THSD4: variants seen among roughly 807,000 people sequenced by gnomAD.
The protein encoded by THSD4 is thrombospondin type 1 domain containing 4, also known as thrombospondin type-1 domain-containing protein 4.
Under a neutral mutation model 119.0 loss-of-function variants are expected in THSD4, and 69 were observed. The ratio of observed to expected loss-of-function variants is 0.58; its 90% CI spans 0.48 to 0.71. The LOEUF is 0.71. Ranked by LOEUF, THSD4 falls within the 30% of genes least tolerant of loss-of-function variation. The pLI is 0.00. For synonymous variants in THSD4, 524 were observed against 540.4 expected (o/e 0.97, Z 0.42); for missense variants, 1,393 against 1,391.1 (o/e 1.00, Z -0.02).
intron 7 of THSD4, among the ~76,000 whole-genome samples, chr15:71,616,449 G>A (rs2050320061): frequency 6.6e-6 from 1 of 152,186 alleles, no homozygotes; most frequent in African/African-American, 2.4e-5. Context: ...ACCAGGACCA[G>A]TAATATAGGG....
chr15:71,265,724 C>A (rs4777355), intron 6 of THSD4, among the ~76,000 whole-genome samples: 137,037 of 152,130 alleles, frequency 0.9, 61,841 homozygotes, highest in East Asian at 1. Context: ...TCTCGCTGCG[C>A]GCACAGCAGT....
At chr15:71,620,161 C>CTGTGAGGCTTTG (rs1289274629) in intron 7 of THSD4, among the ~76,000 whole-genome samples, 1 of 152,154 alleles carries the variant, frequency 6.6e-6, no homozygotes, top group African/African-American at 2.4e-5. Context: ...ACTTTAGTAC[C>CTGTGAGGCTTTG]TGTGAGGCTT....
chr15:71,660,248 G>C (rs1221255678), intron 7 of THSD4, among the ~76,000 whole-genome samples: 2 of 152,100 alleles, frequency 1.3e-5, no homozygotes, highest in African/African-American at 4.8e-5. Flanking sequence ...GGGATTTTCA[G>C]AACAACTTCA....
At chr15:71,323,096 TAAAAAA>T (rs34395762) in intron 6 of THSD4, among the ~76,000 whole-genome samples, 4 of 98,542 alleles carry the variant, frequency 4.1e-5, no homozygotes, top group Non-Finnish European at 6.0e-5. Context: ...GACCCTGTCT[TAAAAAA>T]AAAAAAAAAA....
intron 6 of THSD4, among the ~76,000 whole-genome samples, chr15:71,330,617 T>G (rs747485101): frequency 6.6e-6 from 1 of 152,164 alleles, no homozygotes; most frequent in Non-Finnish European, 1.5e-5. Context: ...GGCATGTAAA[T>G]CCATTAGCAG....
chr15:71,324,238 C>T (rs540157154), intron 6 of THSD4, among the ~76,000 whole-genome samples: 41 of 151,792 alleles, frequency 2.7e-4, no homozygotes, highest in African/African-American at 5.3e-4. Context: ...CCTTTGACAA[C>T]GCATGCACGA....
intron 4 of THSD4, among the ~76,000 whole-genome samples, chr15:71,216,695 TG>T (rs2043935774): frequency 6.6e-6 from 1 of 152,208 alleles, no homozygotes; most frequent in Non-Finnish European, 1.5e-5. Context: ...TCTTTCTACA[TG>T]GGAACCTGAG....
Position 71,587,669 on chromosome 15 carries a change from G to T in THSD4, c.1153-72861G>T, listed in dbSNP as rs865875626. On this transcript the variant is annotated intron_variant, in intron 7 of 17. Coordinates refer to ENST00000261862, the MANE Select transcript of THSD4 (RefSeq NM_024817.3). ...GGATAGCATTGGGAGATATACCTAA[G>T]GCTAGATGACGAGTTAGTGGGTGCA... is the stretch of plus-strand genomic sequence containing the variant. 8.3e-4 allele frequency among the ~76,000 whole-genome samples: 114 copies of T among 136,616 alleles called. 1 individual carries two copies. Among genetic ancestry groups the T allele is most frequent in the Middle Eastern group, 3.5e-3 (1 of 284 alleles). 89.6% of individuals were successfully genotyped at this position (136,616 alleles called of 152,430 possible).
chr15:71,554,795 G>A (rs2048993305), intron 7 of THSD4, among the ~76,000 whole-genome samples: 1 of 151,756 alleles, frequency 6.6e-6, no homozygotes, highest in South Asian at 2.1e-4. Flanking sequence ...TGGAGTGATG[G>A]TATTTGAGTA....
At chr15:71,578,334 C>T (rs1567045409) in intron 7 of THSD4, among the ~76,000 whole-genome samples, 3 of 151,870 alleles carry the variant, frequency 2.0e-5, no homozygotes, top group Non-Finnish European at 4.4e-5. Flanking sequence ...ACAGGTGACT[C>T]GAGGTTTGCT....
chr15:71,428,646 A>C (rs1258296176), intron 7 of THSD4, among the ~76,000 whole-genome samples: 1 of 152,204 alleles, frequency 6.6e-6, no homozygotes, highest in African/African-American at 2.4e-5. Flanking sequence ...AAATAGGTTA[A>C]AATGGGTTTT....
At chr15:71,377,134 G>A (rs930294681) in intron 6 of THSD4, among the ~76,000 whole-genome samples, 1 of 152,188 alleles carries the variant, frequency 6.6e-6, no homozygotes, top group Non-Finnish European at 1.5e-5. Flanking sequence ...TGGCAGGATG[G>A]CTGATTTCAT....
At chr15:71,292,716 G>A (rs996747045) in intron 6 of THSD4, among the ~76,000 whole-genome samples, 21 of 139,618 alleles carry the variant, frequency 1.5e-4, no homozygotes, top group Middle Eastern at 4.3e-3. Flanking sequence ...TTGCTCTGTC[G>A]CCCAGGCTGG....
intron 7 of THSD4, among the ~76,000 whole-genome samples, chr15:71,428,566 A>G (rs576132546): frequency 6.6e-6 from 1 of 152,336 alleles, no homozygotes; most frequent in South Asian, 2.1e-4. Flanking sequence ...ATCTCATTTA[A>G]ATTCCTGGCA....
rs893369864 is a variant in THSD4 at position 71,660,566 on chromosome 15, G to A, written c.1189G>A (p.Val397Ile). ...GCDDYLGSDK[V>I]VDKCGVCGGD... ...TGATGACTACTTAGGCTCCGACAAA[G>A]TCGTGGACAAATGTGGGGTGTGTGG... Residue 397 changes from valine to isoleucine, a missense_variant, in exon 8 of 18, where the codon GTC becomes ATC. By Grantham distance (29) the Val-to-Ile change is conservative. Coordinates refer to ENST00000261862, the MANE Select transcript of THSD4 (RefSeq NM_024817.3). The A allele has an allele frequency of 1.2e-6, 2 of 1,614,054 alleles. No individual in the cohort carries two copies. Among genetic ancestry groups the A allele is most frequent in the South Asian group, 2.2e-5 (2 of 91,086 alleles).
chr15:71,695,732 C>A (rs1357764163), intron 8 of THSD4, among the ~76,000 whole-genome samples: 1 of 152,140 alleles, frequency 6.6e-6, no homozygotes, highest in Non-Finnish European at 1.5e-5. Context: ...TTTCTTCTTC[C>A]TTCACAAGGG....
intron 7 of THSD4, among the ~76,000 whole-genome samples, chr15:71,657,989 T>C (rs529404983): frequency 1.3e-5 from 2 of 152,324 alleles, no homozygotes; most frequent in East Asian, 1.9e-4. Flanking sequence ...ATTAATGTGA[T>C]TAATGTGACG....
chr15:71,407,037 G>C (rs1596408395), intron 6 of THSD4, among the ~76,000 whole-genome samples: 2 of 152,132 alleles, frequency 1.3e-5, no homozygotes, highest in African/African-American at 4.8e-5. Context: ...CTTCCTGATG[G>C]ATTGACTCTT....
chr15:71,353,784 T>C (rs542163893), intron 6 of THSD4, among the ~76,000 whole-genome samples: 1 of 152,236 alleles, frequency 6.6e-6, no homozygotes, highest in Non-Finnish European at 1.5e-5. Flanking sequence ...AGCATGGACT[T>C]AAGAATCAGA....
Sources: allele counts gnomAD v4.1 joint callset (sites outside exome capture counted in the v4.1 genomes callset), GRCh38; gene constraint gnomAD v4.1.1; transcripts MANE v1.5; gene names NCBI Gene and HGNC (gene_info 2026-07-23, HGNC 2026-07-21).